Variants in DLG2 observed in about 807,000 individuals in gnomAD.
DLG2 encodes discs large MAGUK scaffold protein 2.
A neutral mutation model predicts 132.5 loss-of-function variants in DLG2; 45 were observed. The ratio of observed to expected loss-of-function variants is 0.34; its 90% CI spans 0.27 to 0.44. The LOEUF (loss-of-function observed/expected upper bound fraction) is 0.44, where lower values mean the gene tolerates loss of function less well. Among genes scored for constraint, DLG2 ranks in the 20% least tolerant of loss-of-function variants. The pLI is 1.00. For synonymous variants in DLG2, 424 were observed against 419.6 expected, an observed-to-expected ratio of 1.01 and a Z score of -0.13; for missense variants, 1,045 against 1,196.9, an observed-to-expected ratio of 0.87 and a Z score of 1.87.
At chr11:84,979,952 C>T (rs1449123164) in intron 6 of DLG2, among the ~76,000 whole-genome samples, 3 of 152,056 alleles carry the variant, frequency 2.0e-5, no homozygotes, top group African/African-American at 7.2e-5. Context: ...AGCAATGCCT[C>T]TTGGCATACA....
At chr11:83,874,765 C>T (rs1296484434) in intron 15 of DLG2, among the ~76,000 whole-genome samples, 3 of 152,042 alleles carry the variant, frequency 2.0e-5, no homozygotes, top group Non-Finnish European at 4.4e-5. Flanking sequence ...GAAAGAAATA[C>T]AGTAGAGATT....
chr11:85,451,237 C>A (rs1405590849), intron 3 of DLG2, among the ~76,000 whole-genome samples: 1 of 152,142 alleles, frequency 6.6e-6, no homozygotes, highest in Non-Finnish European at 1.5e-5. Flanking sequence ...TAACTCACAA[C>A]CAAACCATTA....
chr11:84,641,594 A>G (rs546995306), intron 6 of DLG2, among the ~76,000 whole-genome samples: 2 of 152,232 alleles, frequency 1.3e-5, no homozygotes, highest in Non-Finnish European at 2.9e-5. Flanking sequence ...GATTTGACCT[A>G]TCTCTCCCTA....
At chr11:84,934,313 G>T (rs1479608055) in intron 6 of DLG2, among the ~76,000 whole-genome samples, 1 of 151,830 alleles carries the variant, frequency 6.6e-6, no homozygotes, top group African/African-American at 2.4e-5. Context: ...TGTTCATCAA[G>T]AATATTGGCC....
intron 3 of DLG2, among the ~76,000 whole-genome samples, chr11:85,465,708 A>T (rs1229688588): frequency 7.9e-5 from 12 of 152,170 alleles, no homozygotes; most frequent in African/African-American, 2.2e-4. Flanking sequence ...TCTATCATTG[A>T]TGGACATTTG....
chr11:85,365,999 C>T (rs1332075656), intron 3 of DLG2, among the ~76,000 whole-genome samples: 20 of 152,120 alleles, frequency 1.3e-4, no homozygotes, highest in Admixed American at 1.3e-3. Context: ...ATGGGTGCAG[C>T]AAACCACCAT....
chr11:84,194,965 C>G (rs1156546121), intron 8 of DLG2, among the ~76,000 whole-genome samples: 3 of 152,184 alleles, frequency 2.0e-5, no homozygotes, highest in Non-Finnish European at 4.4e-5. Context: ...ACTCGCACCT[C>G]TCCCTCCACA....
intron 11 of DLG2, among the ~76,000 whole-genome samples, chr11:84,048,164 A>G (rs553562462): frequency 1.2e-4 from 18 of 151,486 alleles, no homozygotes; most frequent in Non-Finnish European, 2.1e-4. Context: ...TAATAATAAT[A>G]ATAATAAAAG....
chr11:84,019,298 G>C (rs1361234903), intron 11 of DLG2, among the ~76,000 whole-genome samples: 1 of 152,084 alleles, frequency 6.6e-6, no homozygotes, highest in Non-Finnish European at 1.5e-5. Context: ...TTAAAGGAAA[G>C]GGTGATTCTA....
At chr11:84,621,497 C>G (rs1447576651) in intron 6 of DLG2, among the ~76,000 whole-genome samples, 2 of 152,028 alleles carry the variant, frequency 1.3e-5, no homozygotes, top group Non-Finnish European at 2.9e-5. Context: ...AATAAATGAG[C>G]CTCCCATGTA....
chr11:84,395,563 G>T (rs1174848085), intron 7 of DLG2, among the ~76,000 whole-genome samples: 1 of 152,070 alleles, frequency 6.6e-6, no homozygotes, highest in East Asian at 1.9e-4. Flanking sequence ...GACTACAGAT[G>T]CACACCACCA....
intron 7 of DLG2, among the ~76,000 whole-genome samples, chr11:84,355,280 C>G (rs1158148764): frequency 6.6e-6 from 1 of 152,030 alleles, no homozygotes; most frequent in African/African-American, 2.4e-5. Flanking sequence ...AAACGGACAT[C>G]CGCTATTGCT....
intron 6 of DLG2, among the ~76,000 whole-genome samples, chr11:84,798,575 G>A (rs2074973269): frequency 6.6e-6 from 1 of 152,130 alleles, no homozygotes; most frequent in Non-Finnish European, 1.5e-5. Context: ...CAGGACAGAA[G>A]GCTCTCCTCT....
intron 6 of DLG2, among the ~76,000 whole-genome samples, chr11:84,916,074 G>T (rs1217281420): frequency 6.6e-6 from 1 of 152,026 alleles, no homozygotes; most frequent in African/African-American, 2.4e-5. Flanking sequence ...GGCCGGGCGC[G>T]GTGGCTCACG....
chr11:83,906,927 C>T (rs1319796875), intron 15 of DLG2, among the ~76,000 whole-genome samples: 1 of 152,088 alleles, frequency 6.6e-6, no homozygotes, highest in Non-Finnish European at 1.5e-5. Context: ...CAGAAATTAC[C>T]GTATATACCT....
rs76133135 is a variant in DLG2, at chr11:85,018,339, C to T, written c.357+93322G>A. Among the ~76,000 whole-genome samples the T allele has an allele frequency of 9.4e-3, 1,425 of 152,188 alleles. 21 individuals carry two copies. Among genetic ancestry groups the T allele is most frequent in the African/African-American group, 0.031 (1,288 of 41,522 alleles). On this transcript the variant is annotated intron_variant, in intron 6 of 27. Coordinates refer to ENST00000376104, the MANE Select transcript of DLG2 (RefSeq NM_001142699.3). The stretch of plus-strand genomic sequence containing the variant: ...CAAAATCACTGATAATCGCAGTCAA[C>T]ACTTTATATGTACCTGGAAGGGGGA...
At chr11:83,850,160 G>GTGTGTGTGTGTGT (rs1452960432) in intron 16 of DLG2, among the ~76,000 whole-genome samples, 9 of 124,370 alleles carry the variant, frequency 7.2e-5, no homozygotes, top group South Asian at 2.5e-4. Context: ...GTGTGTGTGT[G>GTGTGTGTGTGTGT]TTTTTTTACT....
chr11:83,516,582 T>G (rs1310085357), intron 21 of DLG2, among the ~76,000 whole-genome samples: 7 of 152,338 alleles, frequency 4.6e-5, no homozygotes, highest in South Asian at 2.1e-4. Flanking sequence ...GTTAGCTGGT[T>G]CTTTTGCTCG....
At chr11:83,580,455 G>C (rs2096951706) in intron 19 of DLG2, among the ~76,000 whole-genome samples, 1 of 152,076 alleles carries the variant, frequency 6.6e-6, no homozygotes, top group Admixed American at 6.6e-5. Context: ...TTAGGGGCTA[G>C]TTCAATAAAG....
Sources: allele counts gnomAD v4.1 joint callset (sites outside exome capture counted in the v4.1 genomes callset), GRCh38; gene constraint gnomAD v4.1.1; transcripts MANE v1.5; gene names NCBI Gene and HGNC (gene_info 2026-07-23, HGNC 2026-07-21).